Variants in OCA2 observed in about 807,000 individuals in gnomAD.
The protein encoded by OCA2 is OCA2 melanosomal transmembrane protein.
In OCA2, 77 loss-of-function variants were observed where a neutral mutation model predicts 100.2. That is an observed-to-expected ratio of 0.77 (90% CI 0.64 to 0.93). OCA2 has a LOEUF of 0.93. Among genes scored for constraint, OCA2 ranks in the 40% least tolerant of loss-of-function variants. OCA2 has a pLI of 0.00. For synonymous variants in OCA2, 432 were observed against 439.2 expected (o/e 0.98, Z 0.21); for missense variants, 1,062 against 1,089.1 (o/e 0.98, Z 0.35).
At chr15:27,895,058 G>A (rs1595593309) in intron 19 of OCA2, among the ~76,000 whole-genome samples, 1 of 152,200 alleles carries the variant, frequency 6.6e-6, no homozygotes, top group South Asian at 2.1e-4. Context: ...GCTAGACTTA[G>A]AGAAAGGAAT....
intron 21 of OCA2, among the ~76,000 whole-genome samples, chr15:27,853,796 A>C (rs192304035): frequency 2.7e-4 from 41 of 152,124 alleles, no homozygotes; most frequent in African/African-American, 9.9e-4. Flanking sequence ...TATGTCAACC[A>C]CTCTAAAGAG....
chr15:28,053,756 T>C (rs1036394400), intron 2 of OCA2, among the ~76,000 whole-genome samples: 4 of 152,160 alleles, frequency 2.6e-5, no homozygotes, highest in Non-Finnish European at 4.4e-5. Flanking sequence ...CTGAGCCTAT[T>C]CTGGGCACTT....
intron 9 of OCA2, among the ~76,000 whole-genome samples, chr15:28,007,934 C>T (rs1259599725): frequency 6.6e-6 from 1 of 152,214 alleles, no homozygotes; most frequent in Admixed American, 6.5e-5. Context: ...GATCACTGGG[C>T]ACAAAGTCAG....
chr15:27,869,230 T>G (rs1471715027), intron 21 of OCA2, among the ~76,000 whole-genome samples: 1 of 152,194 alleles, frequency 6.6e-6, no homozygotes, highest in Non-Finnish European at 1.5e-5. Context: ...CTTCTGCCCC[T>G]GTGGACACAC....
chr15:27,911,055 AAGG>A (rs1338450136), intron 19 of OCA2, among the ~76,000 whole-genome samples: 1 of 152,228 alleles, frequency 6.6e-6, no homozygotes, highest in Non-Finnish European at 1.5e-5. Flanking sequence ...AAGATGAGCA[AAGG>A]AGAACAGGAT....
At chr15:28,073,385 A>G (rs796395671) in intron 2 of OCA2, among the ~76,000 whole-genome samples, 4 of 152,320 alleles carry the variant, frequency 2.6e-5, no homozygotes, top group African/African-American at 9.6e-5. Flanking sequence ...CTGCACTCCA[A>G]CCTGGGCAAC....
intron 9 of OCA2, among the ~76,000 whole-genome samples, chr15:28,006,576 T>A (rs2042098037): frequency 6.6e-6 from 1 of 152,226 alleles, no homozygotes; most frequent in Non-Finnish European, 1.5e-5. Context: ...TCAGTTTATG[T>A]GTTAAGCAGA....
At chr15:27,911,661 C>T (rs930205318) in intron 19 of OCA2, among the ~76,000 whole-genome samples, 2 of 152,072 alleles carry the variant, frequency 1.3e-5, no homozygotes, top group African/African-American at 4.8e-5. Flanking sequence ...AGAGTGAGAA[C>T]TCATTCATTA....
chr15:27,872,302 A>G (rs1337969792), intron 19 of OCA2, among the ~76,000 whole-genome samples: 1 of 152,280 alleles, frequency 6.6e-6, no homozygotes, highest in East Asian at 1.9e-4. Context: ...TTTTAAAGTT[A>G]AACATCACAG....
intron 21 of OCA2, among the ~76,000 whole-genome samples, chr15:27,853,878 C>T (rs2035855426): frequency 6.6e-6 from 1 of 152,144 alleles, no homozygotes; most frequent in South Asian, 2.1e-4. Context: ...AAAGCGGACC[C>T]CAGTGTGGAG....
intron 23 of OCA2, among the ~76,000 whole-genome samples, chr15:27,838,784 G>A (rs918689209): frequency 6.6e-6 from 1 of 152,162 alleles, no homozygotes; most frequent in Non-Finnish European, 1.5e-5. Flanking sequence ...GGGTGTATTA[G>A]GAAGCAAAGT....
intron 18 of OCA2, among the ~76,000 whole-genome samples, chr15:27,935,292 G>T (rs1055591497): frequency 1.3e-5 from 2 of 152,182 alleles, no homozygotes; most frequent in Non-Finnish European, 2.9e-5. Context: ...TTCCTCGAGT[G>T]GGCATTAATC....
At chr15:28,001,609 G>A in intron 9 of OCA2, among the ~76,000 whole-genome samples, 1 of 152,128 alleles carries the variant, frequency 6.6e-6, no homozygotes, top group East Asian at 1.9e-4. Context: ...TGTCTGTGAA[G>A]GAGGAAAAAA....
chr15:27,777,329 G>T (rs2032295466), intron 23 of OCA2, among the ~76,000 whole-genome samples: 1 of 152,110 alleles, frequency 6.6e-6, no homozygotes, highest in Admixed American at 6.5e-5. Flanking sequence ...AGTGGCAAGG[G>T]ACTCCCTTCT....
At chr15:28,072,738 C>A (rs1190535342) in intron 2 of OCA2, among the ~76,000 whole-genome samples, 2 of 151,944 alleles carry the variant, frequency 1.3e-5, no homozygotes, top group East Asian at 3.9e-4. Flanking sequence ...CAAATTAAAA[C>A]CACAATGAGA....
the OCA2 span, among the ~76,000 whole-genome samples, chr15:27,739,844 T>C: frequency 6.6e-6 from 1 of 152,138 alleles, no homozygotes; most frequent in Non-Finnish European, 1.5e-5. Context: ...CATGCACCCA[T>C]GAAGAGCTCT....
At chr15:27,839,453 T>C (rs1028437176) in intron 23 of OCA2, among the ~76,000 whole-genome samples, 1 of 152,210 alleles carries the variant, frequency 6.6e-6, no homozygotes, top group African/African-American at 2.4e-5. Flanking sequence ...CAACAGTCTA[T>C]ATGAGACACA....
intron 2 of OCA2, among the ~76,000 whole-genome samples, chr15:28,076,570 G>A (rs552478198): frequency 2.6e-4 from 39 of 152,200 alleles, no homozygotes; most frequent in South Asian, 8.3e-4. Flanking sequence ...TAATTTGGCC[G>A]GGCGCGGTGG....
At chr15:27,990,455 CA>C in intron 10 of OCA2, 120 bp downstream of exon 10, 1 of 999,972 alleles carries the variant, frequency 1.0e-6, no homozygotes, top group Non-Finnish European at 1.6e-6. Context: ...GGTTCTTGGG[CA>C]AAAACATGGA....
Sources: gnomAD v4.1 joint callset for allele counts (sites outside exome capture counted in the v4.1 genomes callset) on GRCh38, gnomAD v4.1.1 for gene constraint, MANE v1.5 for transcripts, NCBI Gene and HGNC (gene_info 2026-07-23, HGNC 2026-07-21) for gene names.